Variants in IQCJ observed in about 807,000 individuals in gnomAD.
The protein encoded by IQCJ is IQ motif containing J.
IQCJ carries 9 observed loss-of-function variants against 11.0 expected under a neutral mutation model. That is an observed-to-expected ratio of 0.82 (90% CI 0.49 to 1.43). IQCJ has a LOEUF of 1.43. IQCJ is among the 40% of genes most tolerant of loss of function. IQCJ has a pLI of 0.00. For synonymous variants in IQCJ, 55 were observed against 51.3 expected (o/e 1.07, Z -0.31); for missense variants, 146 against 133.2 (o/e 1.10, Z -0.47).
intron 1 of IQCJ, among the ~76,000 whole-genome samples, chr3:159,116,669 TACACCCTTC>T (rs1719041059): frequency 4.2e-4 from 10 of 24,076 alleles, no homozygotes; most frequent in South Asian, 1.3e-3. Flanking sequence ...TATATATATA[TACACCCTTC>T]ATCTAGATTT....
chr3:159,155,760 A>C (rs1458241015), intron 1 of IQCJ, among the ~76,000 whole-genome samples: 4 of 152,222 alleles, frequency 2.6e-5, no homozygotes, highest in Non-Finnish European at 4.4e-5. Context: ...ATAGGGATTA[A>C]AAATGTACAT....
intron 1 of IQCJ, among the ~76,000 whole-genome samples, chr3:159,102,260 A>G (rs1000615147): frequency 1.3e-5 from 2 of 152,230 alleles, no homozygotes; most frequent in African/African-American, 4.8e-5. Flanking sequence ...CTGGATAAAG[A>G]TTCTGTTATC....
intron 1 of IQCJ, among the ~76,000 whole-genome samples, chr3:159,216,615 C>A (rs1347908660): frequency 1.3e-5 from 2 of 152,174 alleles, no homozygotes; most frequent in Admixed American, 6.5e-5. Flanking sequence ...TTGTTTCCTG[C>A]CCATTGCCTA....
At chr3:159,159,139 A>G (rs768643454) in intron 1 of IQCJ, among the ~76,000 whole-genome samples, 1 of 152,178 alleles carries the variant, frequency 6.6e-6, no homozygotes, top group African/African-American at 2.4e-5. Context: ...GTGCTGAGTA[A>G]GCTAAGATTA....
intron 1 of IQCJ, among the ~76,000 whole-genome samples, chr3:159,193,999 C>T (rs1723838883): frequency 6.6e-6 from 1 of 152,122 alleles, no homozygotes; most frequent in African/African-American, 2.4e-5. Context: ...GTCCAAAAAC[C>T]CTTCAGACAT....
chr3:159,201,519 G>A (rs1458374883), intron 1 of IQCJ, among the ~76,000 whole-genome samples: 1 of 151,174 alleles, frequency 6.6e-6, no homozygotes. Context: ...CTCTGTGTGT[G>A]TGTGTGTGTG....
At position 159,263,625 on chromosome 3, in the gene IQCJ, C is replaced by T; in HGVS notation, c.*894C>T. 2 of 985,080 alleles carry T rather than the reference C, an allele frequency of 2.0e-6. No individual in the cohort carries two copies. The highest frequency in any genetic ancestry group is 1.7e-5 in the African/African-American group (1 of 57,320). 61.0% of individuals were successfully genotyped at this position (985,080 alleles called of 1,614,324 possible). On this transcript the variant is annotated 3_prime_UTR_variant, in exon 4 of 4. Transcript: ENST00000397832. ...AAATTTTTCTTTTACTTTTGGTTAT[C>T]ATGTTTATTCTGTGGTAAAAAGGTT...
intron 1 of IQCJ, among the ~76,000 whole-genome samples, chr3:159,134,924 G>A (rs1173362662): frequency 6.6e-6 from 1 of 152,112 alleles, no homozygotes; most frequent in Non-Finnish European, 1.5e-5. Flanking sequence ...TAAGAATTAC[G>A]GTAATTTTAG....
intron 1 of IQCJ, among the ~76,000 whole-genome samples, chr3:159,192,790 C>G (rs1723767469): frequency 6.6e-6 from 1 of 152,178 alleles, no homozygotes; most frequent in South Asian, 2.1e-4. Flanking sequence ...ACAGGTTATT[C>G]CTTGCATGCT....
At chr3:159,104,561 T>C (rs1292093941) in intron 1 of IQCJ, among the ~76,000 whole-genome samples, 1 of 152,236 alleles carries the variant, frequency 6.6e-6, no homozygotes. Context: ...ACTGCATAGT[T>C]GCTTTGGAAT....
intron 1 of IQCJ, among the ~76,000 whole-genome samples, chr3:159,194,927 A>G (rs1328038976): frequency 4.0e-5 from 6 of 148,588 alleles, no homozygotes; most frequent in Non-Finnish European, 8.8e-5. Flanking sequence ...CCTGGCCAAC[A>G]TAGTGAAACC....
chr3:159,150,798 A>G (rs1219551452), intron 1 of IQCJ, among the ~76,000 whole-genome samples: 1 of 152,154 alleles, frequency 6.6e-6, no homozygotes, highest in Non-Finnish European at 1.5e-5. Context: ...TTTGATTTCC[A>G]GTGCTTCCTC....
At chr3:159,087,787 C>T (rs1317261536) in intron 1 of IQCJ, among the ~76,000 whole-genome samples, 1 of 151,538 alleles carries the variant, frequency 6.6e-6, no homozygotes, top group African/African-American at 2.4e-5. Context: ...TTTTTTATTG[C>T]ATCTATTTGA....
intron 1 of IQCJ, among the ~76,000 whole-genome samples, chr3:159,199,786 T>C (rs1342461865): frequency 1.3e-5 from 2 of 151,786 alleles, no homozygotes; most frequent in Non-Finnish European, 2.9e-5. Flanking sequence ...ATGATTAGAG[T>C]ATAAATCTCA....
intron 1 of IQCJ, among the ~76,000 whole-genome samples, chr3:159,142,085 G>A (rs1367005186): frequency 6.6e-6 from 1 of 152,172 alleles, no homozygotes; most frequent in African/African-American, 2.4e-5. Flanking sequence ...TCCTGCCTCT[G>A]TAGACTAATT....
At chr3:159,121,190 G>T (rs367965603) in intron 1 of IQCJ, among the ~76,000 whole-genome samples, 1 of 150,028 alleles carries the variant, frequency 6.7e-6, no homozygotes, top group African/African-American at 2.5e-5. Flanking sequence ...CTGAAGTTCA[G>T]TGGCATGATC....
chr3:159,193,594 G>A (rs1404575532), intron 1 of IQCJ, among the ~76,000 whole-genome samples: 2 of 152,176 alleles, frequency 1.3e-5, no homozygotes, highest in East Asian at 1.9e-4. Flanking sequence ...CAAAGATTCT[G>A]TAAGAATCTT....
intron 1 of IQCJ, among the ~76,000 whole-genome samples, chr3:159,106,455 C>T (rs965800525): frequency 2.0e-5 from 3 of 151,540 alleles, no homozygotes; most frequent in Non-Finnish European, 2.9e-5. Flanking sequence ...ACCACTTAGT[C>T]AGGAATTTGA....
At chr3:159,253,326 A>T (rs1727709199) in intron 3 of IQCJ, among the ~76,000 whole-genome samples, 1 of 152,160 alleles carries the variant, frequency 6.6e-6, no homozygotes, top group African/African-American at 2.4e-5. Flanking sequence ...CTCCCCCATT[A>T]TAAATGACTA....
Sources: allele counts gnomAD v4.1 joint callset (sites outside exome capture counted in the v4.1 genomes callset), GRCh38; gene constraint gnomAD v4.1.1; transcripts MANE v1.5; gene names NCBI Gene and HGNC (gene_info 2026-07-23, HGNC 2026-07-21).